The following MAP3K9 variants were observed in gnomAD, a reference collection of about 807,000 sequenced individuals.
MAP3K9 encodes mitogen-activated protein kinase kinase kinase 9.
Under a neutral mutation model 95.8 loss-of-function variants are expected in MAP3K9, and 46 were observed. That is an observed-to-expected ratio of 0.48 (90% confidence interval 0.38 to 0.61). MAP3K9 has a LOEUF of 0.61. Among genes scored for constraint, MAP3K9 ranks in the 20% least tolerant of loss-of-function variants. The pLI is 0.00. For missense variants in MAP3K9, 1,296 were observed against 1,474.3 expected, an observed-to-expected ratio of 0.88 and a Z score of 1.98; for synonymous variants, 533 against 593.8, an observed-to-expected ratio of 0.90 and a Z score of 1.49.
intron 2 of MAP3K9, 124 bp downstream of exon 2, chr14:70,800,543 G>A (rs1314592120): frequency 1.0e-6 from 1 of 959,184 alleles, no homozygotes; most frequent in East Asian, 2.4e-5. Flanking sequence ...TTCAAGGATG[G>A]AATGTGTTTA....
At chr14:70,772,120 T>C (rs2139807330) in intron 2 of MAP3K9, among the ~76,000 whole-genome samples, 1 of 152,256 alleles carries the variant, frequency 6.6e-6, no homozygotes, top group East Asian at 1.9e-4. Context: ...GCTGCGGTGC[T>C]GCCTAGAGAT....
rs767285366 is a variant in MAP3K9 at position 70,734,395 on chromosome 14, T to C, written c.2017A>G (p.Met673Val). 1.2e-5 allele frequency: 19 copies of C among 1,612,722 alleles called. No individual in the cohort carries two copies. The South Asian group carries it at 2.1e-4, about 18-fold the overall frequency. The change falls in exon 10 of 12, where the codon ATG (methionine) becomes GTG (valine). Residue 673 changes from methionine to valine, a missense_variant. This residue lies in a region of MAP3K9 where 377 missense variants were observed against 417.1 expected (regional missense o/e 0.90). Coordinates refer to ENST00000554752, the MANE Select transcript of MAP3K9 (RefSeq NM_001284230.2). ...SPALPGFTSLMEMEDEDSEGP... is the reference protein window; with the variant it reads ...SPALPGFTSLVEMEDEDSEGP... The stretch of plus-strand genomic sequence containing the variant: ...GAGGAGCTATGCTTACCCATCTCCA[T>C]AAGGCTGGTGAACCCTGGCAGGGCC...
In MAP3K9 at chr14:70,809,085, G is replaced by C; in HGVS notation, c.87C>G (p.Ala29=). 1.4e-6 allele frequency: 2 copies of C among 1,422,330 alleles called. No homozygotes were observed. The highest frequency in any genetic ancestry group is 1.8e-6 in the Non-Finnish European group (2 of 1,096,046). The allele number at this position is 1,422,330 out of a possible 1,614,324, so 88.1% of individuals were successfully genotyped here. A position where few individuals can be genotyped will look rare whatever the true frequency, so the allele number is the denominator to read the frequency against. Residue 29 remains alanine (A), a synonymous_variant, in exon 1 of 12, where the codon GCC becomes GCG. Coordinates refer to ENST00000554752, the MANE Select transcript of MAP3K9 (RefSeq NM_001284230.2). The part of the protein sequence containing the change: ...PPGEDGAGAG[A]EEEEEEEEEA... ...CCTCCTCCTCCTCCTCCTCCTCCTC[G>C]GCCCCGGCCCCTGCTCCATCCTCCC...
intron 3 of MAP3K9, among the ~76,000 whole-genome samples, chr14:70,757,289 T>C (rs1425244698): frequency 1.3e-5 from 2 of 152,066 alleles, no homozygotes; most frequent in South Asian, 2.1e-4. Flanking sequence ...CTGGGCAACA[T>C]GGTGAAACCC....
At position 70,809,127 on chromosome 14, in the gene MAP3K9, G is replaced by A. The variant is rs1320862743; in HGVS notation, c.45C>T (p.Ala15=). ...RALLGCLASA[A]AAAPPGEDGA... ...CATCCTCCCCCGGCGGGGCGGCAGC[G>A]GCGGCGCTCGCTAGGCAGCCGAGAA... The change falls in exon 1 of 12, where the codon GCC becomes GCT. Residue 15 remains alanine (A), a synonymous_variant. Coordinates refer to ENST00000554752, the MANE Select transcript of MAP3K9 (RefSeq NM_001284230.2). The A allele has an allele frequency of 3.6e-6, 5 of 1,381,300 alleles. No homozygotes were observed. Among genetic ancestry groups the A allele is most frequent in the Middle Eastern group, 2.5e-4 (1 of 3,958 alleles). The allele number at this position is 1,381,300 out of a possible 1,614,324, so 85.6% of individuals were successfully genotyped here.
chr14:70,806,757 G>T (rs943769195), intron 1 of MAP3K9, among the ~76,000 whole-genome samples: 8 of 152,206 alleles, frequency 5.3e-5, no homozygotes, highest in Non-Finnish European at 7.3e-5. Context: ...TCCTGATCAC[G>T]AACCTCACCT....
intron 3 of MAP3K9, among the ~76,000 whole-genome samples, chr14:70,754,646 T>G (rs1389831621): frequency 6.6e-6 from 1 of 152,086 alleles, no homozygotes; most frequent in Non-Finnish European, 1.5e-5. Flanking sequence ...TAATTTTTTG[T>G]ATTTTTAGTA....
intron 2 of MAP3K9, chr14:70,783,075 T>A (rs1023297851): frequency 6.0e-6 from 1 of 165,692 alleles, no homozygotes; most frequent in African/African-American, 2.4e-5. Flanking sequence ...TGGGGTCACT[T>A]TTACTCTTCC....
intron 8 of MAP3K9, among the ~76,000 whole-genome samples, chr14:70,737,928 G>A (rs1227533005): frequency 6.6e-6 from 1 of 152,096 alleles, no homozygotes; most frequent in Admixed American, 6.5e-5. Flanking sequence ...AGCCACACTC[G>A]CTCATTTACA....
chr14:70,761,620 T>C (rs1481608196), intron 2 of MAP3K9, among the ~76,000 whole-genome samples: 2 of 152,166 alleles, frequency 1.3e-5, no homozygotes, highest in Non-Finnish European at 2.9e-5. Flanking sequence ...AAAAATTAGC[T>C]AGGTGTGGTA....
Position 70,809,124 on chromosome 14 carries a change from A to T in MAP3K9, c.48T>A (p.Ala16=). 7.3e-7 allele frequency: 1 copy of T among 1,379,128 alleles called. No individual in the cohort carries two copies. The highest frequency in any genetic ancestry group is 9.3e-7 in the Non-Finnish European group (1 of 1,075,604). 85.4% of individuals were successfully genotyped at this position (1,379,128 alleles called of 1,614,324 possible). A position where few individuals can be genotyped will look rare whatever the true frequency, so the allele number is the denominator to read the frequency against. Residue 16 remains alanine (A), a synonymous_variant, in exon 1 of 12, where the codon GCT becomes GCA. Coordinates refer to ENST00000554752, the MANE Select transcript of MAP3K9 (RefSeq NM_001284230.2). ...CTCCATCCTCCCCCGGCGGGGCGGC[A>T]GCGGCGGCGCTCGCTAGGCAGCCGA... ...ALLGCLASAA[A]AAPPGEDGAG...
chr14:70,755,871 G>C (rs1167310620), intron 3 of MAP3K9, among the ~76,000 whole-genome samples: 1 of 152,230 alleles, frequency 6.6e-6, no homozygotes. Context: ...GTCTAGACTA[G>C]AGCAACTAGA....
chr14:70,784,718 GGAA>G (rs2054726238), intron 2 of MAP3K9, among the ~76,000 whole-genome samples: 1 of 152,306 alleles, frequency 6.6e-6, no homozygotes, highest in South Asian at 2.1e-4. Flanking sequence ...TGAGTGAGAT[GGAA>G]GAAGAAGCAA....
In MAP3K9 at chr14:70,726,379, C is replaced by G. The variant is rs1378070624; in HGVS notation, c.*4001G>C. On this transcript the variant is annotated 3_prime_UTR_variant, in exon 12 of 12. Transcript: ENST00000554752. The stretch of plus-strand genomic sequence containing the variant: ...ACAAGGGGACCCTTTTCCAAAGATT[C>G]TTCCAGGAACTGGGATGATCCCAGG... The G allele has an allele frequency of 1.3e-5, 2 of 152,232 alleles. No homozygotes were observed. Among genetic ancestry groups the G allele is most frequent in the Admixed American group, 6.5e-5 (1 of 15,288 alleles). 9.4% of individuals were successfully genotyped at this position (152,232 alleles called of 1,614,324 possible).
At chr14:70,781,249 A>T (rs941224427) in intron 2 of MAP3K9, among the ~76,000 whole-genome samples, 5 of 152,228 alleles carry the variant, frequency 3.3e-5, no homozygotes, top group African/African-American at 1.2e-4. Context: ...CCACTATGTA[A>T]GGCCAAGAGC....
In MAP3K9 at chr14:70,809,402, T is replaced by A. The variant is rs2055042049; in HGVS notation, c.-231A>T. The A allele has an allele frequency of 2.5e-6, 1 of 403,196 alleles. No individual in the cohort carries two copies. Among genetic ancestry groups the A allele is most frequent in the Non-Finnish European group, 4.1e-6 (1 of 245,168 alleles). 25.0% of individuals were successfully genotyped at this position (403,196 alleles called of 1,614,324 possible). On this transcript the variant is annotated 5_prime_UTR_variant, in exon 1 of 12. Transcript: ENST00000554752. ...CAGCCTAGGGGCGCAGCGGGCCGAG[T>A]CCCCGCCTGCCCGCTCGCCCCCCCG...
rs3742847 is a variant in MAP3K9 at position 70,809,269 on chromosome 14, C to T, written c.-98G>A. ...TCCGCAGAGCTGGGAGGACCCCCCC[C>T]CAACGACGGCGGCCGCAGGTAGGGC... On this transcript the variant is annotated 5_prime_UTR_variant, in exon 1 of 12. Transcript: ENST00000554752. 7.4e-5 allele frequency: 91 copies of T among 1,232,176 alleles called. No homozygotes were observed. Among genetic ancestry groups the T allele is most frequent in the South Asian group, 1.2e-4 (3 of 25,726 alleles). 76.3% of individuals were successfully genotyped at this position (1,232,176 alleles called of 1,614,324 possible).
rs756598509 is a variant in MAP3K9, at chr14:70,748,927, C to T, written c.1228G>A (p.Gly410Ser). 1 of 1,614,064 alleles carries T rather than the reference C, an allele frequency of 6.2e-7. No individual in the cohort carries two copies. The highest frequency in any genetic ancestry group is 1.1e-5 in the South Asian group (1 of 91,068). The change falls in exon 5 of 12, where the codon GGT (glycine) becomes AGT (serine). Residue 410 changes from glycine (G) to serine (S), a missense_variant. This residue lies in a region of MAP3K9 where 136 missense variants were observed against 221.5 expected (regional missense o/e 0.61). Coordinates refer to ENST00000554752, the MANE Select transcript of MAP3K9 (RefSeq NM_001284230.2). ...LDQLTTIEES[G>S]FFEMPKDSFH... The stretch of plus-strand genomic sequence containing the variant: ...GAGTCCTTGGGCATTTCAAAGAAAC[C>T]AGACTCCTCTATGGTGGTTAGCTGG...
rs1195366178 is a variant in MAP3K9, at chr14:70,725,885, TGC to T, written c.*4493_*4494del. ...ACCAAGGGAAGCAATCTGGCAAGGC[TGC>T]AGTTTCTGTGCAGGACTCATGGCCC... On this transcript the variant is annotated 3_prime_UTR_variant, in exon 12 of 12. Coordinates refer to ENST00000554752, the MANE Select transcript of MAP3K9 (RefSeq NM_001284230.2). 1 of 152,198 alleles carries T rather than the reference TGC, an allele frequency of 6.6e-6. No homozygotes were observed. Among genetic ancestry groups the T allele is most frequent in the Admixed American group, 6.5e-5 (1 of 15,278 alleles). The allele number at this position is 152,198 out of a possible 1,614,324, so 9.4% of individuals were successfully genotyped here.
Sources: gnomAD v4.1 joint callset for allele counts (sites outside exome capture counted in the v4.1 genomes callset) on GRCh38, gnomAD v4.1.1 for gene constraint, gnomAD v4.1.1 regional missense constraint, MANE v1.5 for transcripts, NCBI Gene and HGNC (gene_info 2026-07-23, HGNC 2026-07-21) for gene names.